RBFOX2: variants seen among roughly 807,000 people sequenced by gnomAD.
RBFOX2 encodes the protein RNA binding protein fox-1 homolog 2.
Under a neutral mutation model 49.1 loss-of-function variants are expected in RBFOX2, and 10 were observed. That is an observed-to-expected ratio of 0.20 (90% confidence interval 0.13 to 0.35). The LOEUF (loss-of-function observed/expected upper bound fraction) is 0.35, where lower values mean the gene tolerates loss of function less well. Ranked by LOEUF, RBFOX2 falls within the 10% of genes least tolerant of loss-of-function variation. RBFOX2 has a pLI of 1.00. For missense variants in RBFOX2, 323 were observed against 486.9 expected (o/e 0.66, Z 3.17); for synonymous variants, 183 against 187.4 (o/e 0.98, Z 0.19).
rs1312404046 is a variant in RBFOX2, at chr22:35,999,834, C to G, written c.186+28406G>C. The G allele has an allele frequency of 2.0e-5, 3 of 152,082 alleles. No individual in the cohort carries two copies. In the East Asian group the frequency reaches 5.8e-4, roughly 29 times the overall value. 9.4% of individuals were successfully genotyped at this position (152,082 alleles called of 1,614,324 possible). ...AGTTACAAATCCTAGCTCGAGGTTT[C>G]ACAGACGACATGTATCCAAAGACAG... is the stretch of plus-strand genomic sequence containing the variant. On this transcript the variant is annotated intron_variant, in intron 1 of 13. Transcript: ENST00000438146.
chr22:35,870,848 A>G (rs2149187136), intron 1 of RBFOX2, among the ~76,000 whole-genome samples: 1 of 152,312 alleles, frequency 6.6e-6, no homozygotes, highest in Non-Finnish European at 1.5e-5. Flanking sequence ...CCATTGAGAA[A>G]CATGACTACA....
upstream of RBFOX2, among the ~76,000 whole-genome samples, chr22:35,842,903 T>C (rs1183472461): frequency 1.3e-5 from 2 of 152,170 alleles, no homozygotes; most frequent in East Asian, 1.9e-4. Context: ...CAGGAATTCA[T>C]GCTACTTTTC....
intron 9 of RBFOX2, chr22:35,750,499 T>G: frequency 6.7e-7 from 1 of 1,492,084 alleles, no homozygotes; most frequent in Non-Finnish European, 9.3e-7. Flanking sequence ...GGGATTAGCA[T>G]GGCCACAGCA....
intron 9 of RBFOX2, among the ~76,000 whole-genome samples, chr22:35,755,253 G>C (rs1936513382): frequency 6.6e-6 from 1 of 152,150 alleles, no homozygotes; most frequent in Non-Finnish European, 1.5e-5. Flanking sequence ...TTCAGAAAAA[G>C]TCCATCTGGA....
At chr22:35,764,510 G>T (rs1940258581) in intron 6 of RBFOX2, among the ~76,000 whole-genome samples, 1 of 151,626 alleles carries the variant, frequency 6.6e-6, no homozygotes, top group South Asian at 2.1e-4. Context: ...GCGTGAACCT[G>T]GGAAGCAGAG....
chr22:35,858,696 G>A (rs1186237909), intron 1 of RBFOX2, among the ~76,000 whole-genome samples: 6 of 151,742 alleles, frequency 4.0e-5, no homozygotes, highest in Admixed American at 3.9e-4. Context: ...CGTGGTGGTG[G>A]GCACCTGTAA....
intron 1 of RBFOX2, among the ~76,000 whole-genome samples, chr22:35,826,063 C>T (rs1031348277): frequency 3.5e-5 from 5 of 144,740 alleles, no homozygotes; most frequent in Non-Finnish European, 4.5e-5. Context: ...AAAAAAAAGC[C>T]GGGTGCAGCG....
chr22:35,833,947 T>C (rs1957216019), intron 1 of RBFOX2, among the ~76,000 whole-genome samples: 1 of 152,198 alleles, frequency 6.6e-6, no homozygotes, highest in Non-Finnish European at 1.5e-5. Flanking sequence ...TATACTTTAT[T>C]ACATATTATA....
At chr22:35,754,307 G>A (rs1936181254) in intron 9 of RBFOX2, among the ~76,000 whole-genome samples, 1 of 149,904 alleles carries the variant, frequency 6.7e-6, no homozygotes, top group Middle Eastern at 3.4e-3. Context: ...TAGCCAGGAT[G>A]GTCTCCATCT....
intron 1 of RBFOX2, among the ~76,000 whole-genome samples, chr22:35,960,776 G>A (rs1386437870): frequency 6.6e-6 from 1 of 152,030 alleles, no homozygotes; most frequent in Non-Finnish European, 1.5e-5. Context: ...AAAAACCTAG[G>A]TAGGTATTTT....
At chr22:35,787,249 G>A (rs1380947584) in intron 2 of RBFOX2, among the ~76,000 whole-genome samples, 5 of 152,036 alleles carry the variant, frequency 3.3e-5, no homozygotes, top group Non-Finnish European at 7.4e-5. Flanking sequence ...CATGTTGCCA[G>A]GCTGGTTTGA....
At chr22:35,771,011 CTT>C (rs762263908) in intron 4 of RBFOX2, among the ~76,000 whole-genome samples, 2 of 152,124 alleles carry the variant, frequency 1.3e-5, no homozygotes, top group Non-Finnish European at 2.9e-5. Context: ...TTTTGGGACT[CTT>C]TAATATGAAA....
Position 35,846,344 on chromosome 22 carries a change from G to A in RBFOX2, c.-33-36340C>T, listed in dbSNP as rs1160341419. ...AATTTATATAGTTGTGTGTGTGTGT[G>A]TGTGTGTGTGTGTGTGTGTGTGTGT... On this transcript the variant is annotated intron_variant, in intron 1 of 13. Coordinates refer to the RBFOX2 transcript ENST00000359369. 2.7e-5 allele frequency among the ~76,000 whole-genome samples: 4 copies of A among 150,282 alleles called. No homozygotes were observed. The East Asian group carries it at 7.8e-4, about 29-fold the overall frequency.
chr22:35,842,659 A>C (rs551565819), upstream of RBFOX2, among the ~76,000 whole-genome samples: 1 of 152,260 alleles, frequency 6.6e-6, no homozygotes, highest in East Asian at 1.9e-4. Flanking sequence ...TCTTGACAAA[A>C]AGCCTGGGGC....
intron 1 of RBFOX2, among the ~76,000 whole-genome samples, chr22:35,924,530 T>C (rs965450445): frequency 6.6e-6 from 1 of 152,248 alleles, no homozygotes; most frequent in Non-Finnish European, 1.5e-5. Flanking sequence ...GGCACTCTCT[T>C]GCTGAACATC....
upstream of RBFOX2, among the ~76,000 whole-genome samples, chr22:35,841,489 A>C (rs1313229457): frequency 6.6e-6 from 1 of 152,120 alleles, no homozygotes; most frequent in Non-Finnish European, 1.5e-5. Flanking sequence ...TAAACTTCAT[A>C]ATTTCCCTAT....
intron 1 of RBFOX2, among the ~76,000 whole-genome samples, chr22:36,020,396 A>C (rs1248311774): frequency 6.6e-6 from 1 of 152,234 alleles, no homozygotes; most frequent in Non-Finnish European, 1.5e-5. Context: ...AAATTGACAA[A>C]TGGGATCTAA....
exon 12 of RBFOX2, chr22:35,741,862 T>G (rs1402390263): frequency 1.3e-5 from 2 of 152,630 alleles, no homozygotes; most frequent in Non-Finnish European, 2.9e-5. Flanking sequence ...ACTCTTAAAC[T>G]CATTCTCCTA....
exon 1 of RBFOX2, among the ~76,000 whole-genome samples, chr22:36,028,602 T>TTGCCTGGCCGCTTGC (rs1423913592): frequency 6.7e-6 from 1 of 148,318 alleles, no homozygotes; most frequent in African/African-American, 2.5e-5. Context: ...CCGCCGCTCC[T>TTGCCTGGCCGCTTGC]TGCCTGACCG....
Sources: gnomAD v4.1 joint callset for allele counts (sites outside exome capture counted in the v4.1 genomes callset) on GRCh38, gnomAD v4.1.1 for gene constraint, MANE v1.5 for transcripts, NCBI Gene and HGNC (gene_info 2026-07-23, HGNC 2026-07-21) for gene names.